The following TENM1 variants were observed in gnomAD, a reference collection of about 807,000 sequenced individuals.
The protein encoded by TENM1 is teneurin-1.
A neutral mutation model predicts 174.8 loss-of-function variants in TENM1; 35 were observed. The observed-to-expected ratio is 0.20, with a 90% confidence interval of 0.15 to 0.27. The LOEUF (loss-of-function observed/expected upper bound fraction) is 0.27, where lower values mean the gene tolerates loss of function less well. Among genes scored for constraint, TENM1 ranks in the 10% least tolerant of loss-of-function variants. TENM1 has a pLI of 1.00. For missense variants in TENM1, 1,633 were observed against 2,130.1 expected, an observed-to-expected ratio of 0.77 and a Z score of 4.59; for synonymous variants, 781 against 798.7, an observed-to-expected ratio of 0.98 and a Z score of 0.37.
At chrX:125,195,879 T>A in the TENM1 span, among the ~76,000 whole-genome samples, 2 of 110,315 alleles carry the variant, frequency 1.8e-5, no homozygotes, top group Admixed American at 9.8e-5. Context: ...AAAAGAGTAA[T>A]CGCTCCCAAT....
the TENM1 span, among the ~76,000 whole-genome samples, chrX:125,201,802 A>C: frequency 5.4e-5 from 6 of 112,050 alleles, no homozygotes; most frequent in Non-Finnish European, 1.1e-4. Context: ...TTACTCTTAA[A>C]AACCCCAACT....
Position 124,600,367 on chromosome X carries a change from C to T in TENM1, c.2078-34807G>A, listed in dbSNP as rs2050001697. Among the ~76,000 whole-genome samples, 2 of 111,594 alleles carry T rather than the reference C, an allele frequency of 1.8e-5. 1 individual carries two copies. The highest frequency in any genetic ancestry group is 3.8e-5 in the Non-Finnish European group (2 of 52,972). On this transcript the variant is annotated intron_variant, in intron 11 of 31. Coordinates refer to ENST00000422452, the Ensembl canonical transcript of TENM1. ...AAAACAATTTGAGCATCAAAATAAA[C>T]AGAAATAGCAAGAAACTATAATTCA...
At chrX:124,922,752 T>C (rs2058041908) in intron 1 of TENM1, among the ~76,000 whole-genome samples, 1 of 111,385 alleles carries the variant, frequency 9.0e-6, no homozygotes, top group Non-Finnish European at 1.9e-5. Flanking sequence ...TTGTTCATTT[T>C]TAAATAATTT....
At chrX:124,946,422 G>T (rs186346949) in intron 1 of TENM1, among the ~76,000 whole-genome samples, 144 of 111,716 alleles carry the variant, frequency 1.3e-3, no homozygotes, top group African/African-American at 4.6e-3. Flanking sequence ...AGGATGATCT[G>T]ACCAAGGGAA....
intron 3 of TENM1, among the ~76,000 whole-genome samples, chrX:124,833,262 T>C (rs149792273): frequency 0.034 from 3,769 of 111,772 alleles, 70 homozygotes; most frequent in Non-Finnish European, 0.056. Flanking sequence ...GTAGAAGCAT[T>C]TCGTGGAAAA....
the TENM1 span, among the ~76,000 whole-genome samples, chrX:125,011,419 T>G: frequency 8.9e-6 from 1 of 111,807 alleles, no homozygotes; most frequent in East Asian, 2.8e-4. Context: ...GAGAAAATTT[T>G]TGCAATCTAC....
chrX:124,874,607 T>A (rs2057166088), intron 3 of TENM1, among the ~76,000 whole-genome samples: 1 of 110,973 alleles, frequency 9.0e-6, no homozygotes, highest in Admixed American at 9.7e-5. Flanking sequence ...TTGGGCTATA[T>A]CTAGAAAAGG....
At chrX:124,727,654 T>A (rs1265966181) in intron 4 of TENM1, among the ~76,000 whole-genome samples, 1 of 110,927 alleles carries the variant, frequency 9.0e-6, no homozygotes, top group African/African-American at 3.3e-5. Flanking sequence ...CATAATTTCA[T>A]GGATAGAATG....
At chrX:124,642,067 A>C (rs1312433775) in intron 10 of TENM1, 76 bp from the exon 14 acceptor site, 14 of 720,183 alleles carry the variant, frequency 1.9e-5, no homozygotes, top group Non-Finnish European at 2.8e-5. Context: ...AGTATGATGA[A>C]ACGGAGATTA....
At chrX:124,744,301 T>TA (rs946741414) in intron 3 of TENM1, among the ~76,000 whole-genome samples, 4 of 111,434 alleles carry the variant, frequency 3.6e-5, no homozygotes, top group African/African-American at 1.3e-4. Context: ...TTCGTAATGT[T>TA]AAAAAAAAGA....
intron 22 of TENM1, among the ~76,000 whole-genome samples, chrX:124,454,899 G>A (rs2061087609): frequency 9.0e-6 from 1 of 111,666 alleles, no homozygotes; most frequent in Admixed American, 9.5e-5. Flanking sequence ...TCATTGAATG[G>A]ATGTTAAAGT....
chrX:124,439,076 G>C (rs2060877005), intron 23 of TENM1, among the ~76,000 whole-genome samples: 1 of 111,273 alleles, frequency 9.0e-6, no homozygotes, highest in Non-Finnish European at 1.9e-5. Context: ...AAAATTCATA[G>C]ACCAAACTTG....
intron 23 of TENM1, among the ~76,000 whole-genome samples, chrX:124,434,088 C>T (rs913240513): frequency 9.0e-6 from 1 of 111,663 alleles, no homozygotes; most frequent in African/African-American, 3.3e-5. Context: ...CATGTGTGTA[C>T]AGTGGGGCTT....
intron 3 of TENM1, among the ~76,000 whole-genome samples, chrX:124,793,772 T>C (rs1042777750): frequency 9.0e-6 from 1 of 111,615 alleles, no homozygotes; most frequent in African/African-American, 3.2e-5. Context: ...AAGTGCTTAC[T>C]AAATTTTTCA....
the TENM1 span, among the ~76,000 whole-genome samples, chrX:125,027,611 CTTTTTTTTT>C: frequency 4.8e-5 from 4 of 83,067 alleles, no homozygotes; most frequent in African/African-American, 1.3e-4. Context: ...TTTTCTTTTT[CTTTTTTTTT>C]TTTTTTTTTT....
At chrX:125,181,659 G>A in the TENM1 span, among the ~76,000 whole-genome samples, 1 of 111,572 alleles carries the variant, frequency 9.0e-6, no homozygotes, top group Non-Finnish European at 1.9e-5. Flanking sequence ...CAATGTGGAG[G>A]GATATGGGAC....
intron 5 of TENM1, among the ~76,000 whole-genome samples, chrX:124,699,519 T>A (rs1199307150): frequency 9.0e-6 from 1 of 111,295 alleles, no homozygotes; most frequent in East Asian, 2.8e-4. Flanking sequence ...TCTCTTACTC[T>A]GTGTCTTAAA....
intron 27 of TENM1, among the ~76,000 whole-genome samples, chrX:124,396,851 A>G (rs1017030499): frequency 5.4e-5 from 6 of 111,931 alleles, no homozygotes; most frequent in Admixed American, 1.9e-4. Flanking sequence ...GGGGGAAAAA[A>G]GGATTGAAAT....
chrX:124,788,972 G>A (rs1419029513), intron 3 of TENM1, among the ~76,000 whole-genome samples: 1 of 112,342 alleles, frequency 8.9e-6, no homozygotes, highest in South Asian at 3.7e-4. Flanking sequence ...CCCTAGCAGA[G>A]GTTCTCCATG....
Sources: allele counts gnomAD v4.1 joint callset (sites outside exome capture counted in the v4.1 genomes callset), GRCh38; gene constraint gnomAD v4.1.1; transcripts MANE v1.5; gene names NCBI Gene and HGNC (gene_info 2026-07-23, HGNC 2026-07-21).